Variants in ZMYND11 observed in about 807,000 individuals in gnomAD.
The protein encoded by ZMYND11 is zinc finger MYND domain-containing protein 11.
Under a neutral mutation model 84.9 loss-of-function variants are expected in ZMYND11, and 9 were observed. The ratio of observed to expected loss-of-function variants is 0.11; its 90% CI spans 0.06 to 0.18. The LOEUF (loss-of-function observed/expected upper bound fraction) is 0.18. Among genes scored for constraint, ZMYND11 ranks in the 10% least tolerant of loss-of-function variants. The pLI, the probability that ZMYND11 is intolerant of heterozygous loss-of-function variation, is 1.00. For missense variants in ZMYND11, 409 were observed against 761.0 expected (o/e 0.54, Z 5.44); for synonymous variants, 250 against 244.1 (o/e 1.02, Z -0.23).
rs545867877 is a variant in ZMYND11, at chr10:248,885, G to A, written c.1501-18G>A. 6.1e-5 allele frequency: 98 copies of A among 1,594,948 alleles called. 1 individual carries two copies. In the Middle Eastern group the frequency reaches 1.2e-3, roughly 19 times the overall value. On this transcript the variant is annotated intron_variant, in intron 13 of 14. Transcript: ENST00000381604. ...TAAGTTGTGTGCTGACGCACTGTGG[G>A]TTGTCTTTTCATTCCAGCTGCGTTC...
At chr10:238,845 C>T (rs1950422226) in intron 6 of ZMYND11, among the ~76,000 whole-genome samples, 1 of 152,184 alleles carries the variant, frequency 6.6e-6, no homozygotes, top group African/African-American at 2.4e-5. Flanking sequence ...TGTAAGAACC[C>T]AGACGCCCCT....
At chr10:184,377 G>A (rs912218849) in intron 2 of ZMYND11, among the ~76,000 whole-genome samples, 4 of 152,002 alleles carry the variant, frequency 2.6e-5, no homozygotes, top group African/African-American at 9.7e-5. Context: ...TTCTGTATTT[G>A]TACTTTTTAA....
chr10:228,484 A>C (rs1472961906), intron 4 of ZMYND11, among the ~76,000 whole-genome samples: 1 of 152,220 alleles, frequency 6.6e-6, no homozygotes, highest in Non-Finnish European at 1.5e-5. Context: ...TCATGAACAG[A>C]AAATACTTAC....
chr10:214,780 T>C (rs1466127585), intron 3 of ZMYND11, among the ~76,000 whole-genome samples: 1 of 152,230 alleles, frequency 6.6e-6, no homozygotes, highest in East Asian at 1.9e-4. Context: ...TAAACCCTTA[T>C]TTCTTCACAG....
At chr10:206,248 T>C (rs897798906) in intron 2 of ZMYND11, among the ~76,000 whole-genome samples, 2 of 152,102 alleles carry the variant, frequency 1.3e-5, no homozygotes, top group Non-Finnish European at 2.9e-5. Context: ...TAGTCCCAGC[T>C]ACTTGGGAGG....
chr10:243,751 C>A (rs1951541139), intron 10 of ZMYND11, among the ~76,000 whole-genome samples: 1 of 151,982 alleles, frequency 6.6e-6, no homozygotes. Flanking sequence ...TGTAGTCCCA[C>A]CTACTTGGGA....
intron 9 of ZMYND11, 108 bp from the exon 10 acceptor site, chr10:241,913 G>GAAATATTTTAGAAATAATGGATT: frequency 7.3e-7 from 1 of 1,365,970 alleles, no homozygotes; most frequent in South Asian, 1.4e-5. Context: ...AGTTATGAAA[G>GAAATATTTTAGAAATAATGGATT]AAATATTTTA....
At chr10:239,366 C>T (rs935109062) in intron 6 of ZMYND11, 72 bp from the exon 7 acceptor site, 4 of 1,217,544 alleles carry the variant, frequency 3.3e-6, no homozygotes, top group African/African-American at 3.0e-5. Context: ...GACTGCTTGT[C>T]CTGTGAACTT....
At chr10:193,125 A>C (rs1940861935) in intron 2 of ZMYND11, among the ~76,000 whole-genome samples, 1 of 152,166 alleles carries the variant, frequency 6.6e-6, no homozygotes, top group African/African-American at 2.4e-5. Flanking sequence ...AGGAGGCCAC[A>C]GAATATTCCC....
chr10:176,436 T>C (rs946271248), intron 1 of ZMYND11, among the ~76,000 whole-genome samples: 1 of 152,172 alleles, frequency 6.6e-6, no homozygotes, highest in Non-Finnish European at 1.5e-5. Context: ...TGTCTCAATC[T>C]TTGATAAAAC....
intron 14 of ZMYND11, among the ~76,000 whole-genome samples, chr10:250,979 T>C (rs1243724365): frequency 2.6e-5 from 4 of 151,114 alleles, no homozygotes; most frequent in African/African-American, 7.3e-5. Flanking sequence ...GCTGAGATTG[T>C]GCCACTGCAC....
At chr10:203,026 C>A (rs1943508529) in intron 2 of ZMYND11, among the ~76,000 whole-genome samples, 2 of 151,866 alleles carry the variant, frequency 1.3e-5, no homozygotes, top group South Asian at 4.2e-4. Context: ...AGTTATGCAT[C>A]AAAATCCTAT....
At chr10:237,714 T>A (rs374174173) in intron 6 of ZMYND11, 37 bp downstream of exon 6, 1 of 1,491,308 alleles carries the variant, frequency 6.7e-7, no homozygotes, top group Non-Finnish European at 9.2e-7. Context: ...TTCAAGTACA[T>A]TTTCTTAACT....
At chr10:188,557 G>T (rs1939405294) in intron 2 of ZMYND11, among the ~76,000 whole-genome samples, 1 of 145,998 alleles carries the variant, frequency 6.8e-6, no homozygotes, top group African/African-American at 2.6e-5. Context: ...GTTCCACTGT[G>T]CTCCGGCCTG....
intron 3 of ZMYND11, 138 bp downstream of exon 3, chr10:210,186 T>C: frequency 3.3e-6 from 3 of 910,706 alleles, no homozygotes; most frequent in South Asian, 3.6e-5. Context: ...AGGCTCTACA[T>C]TGGTAGTATG....
chr10:235,901 C>G (rs917095090), intron 4 of ZMYND11, among the ~76,000 whole-genome samples: 3 of 152,192 alleles, frequency 2.0e-5, no homozygotes, highest in African/African-American at 7.2e-5. Context: ...AATCAATTCA[C>G]TTAAGCCCTA....
chr10:234,290 G>A (rs938882340), intron 4 of ZMYND11, among the ~76,000 whole-genome samples: 3 of 152,246 alleles, frequency 2.0e-5, no homozygotes, highest in African/African-American at 7.2e-5. Flanking sequence ...GAGGCCTTGT[G>A]CTGGATGCAG....
intron 2 of ZMYND11, among the ~76,000 whole-genome samples, chr10:190,325 C>A (rs898278616): frequency 5.3e-5 from 8 of 152,154 alleles, no homozygotes; most frequent in Admixed American, 3.9e-4. Flanking sequence ...CGTTTTCCTG[C>A]TGCCCGTGAA....
intron 1 of ZMYND11, among the ~76,000 whole-genome samples, chr10:139,863 C>T (rs1554753533): frequency 1.3e-5 from 2 of 152,004 alleles, no homozygotes; most frequent in African/African-American, 2.4e-5. Flanking sequence ...AGGCAGGAGC[C>T]ACCACGCCTG....
Sources: gnomAD v4.1 joint callset for allele counts (sites outside exome capture counted in the v4.1 genomes callset) on GRCh38, gnomAD v4.1.1 for gene constraint, MANE v1.5 for transcripts, NCBI Gene and HGNC (gene_info 2026-07-23, HGNC 2026-07-21) for gene names.